Variants in KIRREL3 observed in about 807,000 individuals in gnomAD.
The protein encoded by KIRREL3 is kin of IRRE-like protein 3.
In KIRREL3, 36 loss-of-function variants were observed where a neutral mutation model predicts 89.7. The ratio of observed to expected loss-of-function variants is 0.40; its 90% confidence interval spans 0.31 to 0.53. The LOEUF (loss-of-function observed/expected upper bound fraction) is 0.53. KIRREL3 is among the 20% of genes least tolerant of loss of function. The pLI is 0.49. For synonymous variants in KIRREL3, 445 were observed against 441.4 expected (o/e 1.01, Z -0.10); for missense variants, 864 against 1,056.6 (o/e 0.82, Z 2.53).
rs1482889788 is a variant in KIRREL3, at chr11:126,697,248, A to C, written c.56-134336T>G. On this transcript the variant is annotated intron_variant, in intron 1 of 16. Transcript: ENST00000525144. This position sits in a 1 kb window ranked among gnomAD's most constrained non-coding sequence, Gnocchi z 4.2. The stretch of plus-strand genomic sequence containing the variant: ...GCTTGTTTATGCGGGAGATGACAGG[A>C]CTACAAGAAGGCGGGACTTCCTCTA... Among the ~76,000 whole-genome samples, 1 of 152,210 alleles carries C rather than the reference A, an allele frequency of 6.6e-6. No individual in the cohort carries two copies. Among genetic ancestry groups the C allele is most frequent in the Non-Finnish European group, 1.5e-5 (1 of 68,046 alleles).
rs993620411 is a variant in KIRREL3 at position 126,782,258 on chromosome 11, C to T, written c.55+218197G>A. Among the ~76,000 whole-genome samples, 3 of 152,168 alleles carry T rather than the reference C, an allele frequency of 2.0e-5. No individual in the cohort carries two copies. The highest frequency in any genetic ancestry group is 4.4e-5 in the Non-Finnish European group (3 of 68,040). ...AAGCTAAAAGTTGAAGAGGGCTGCC[C>T]GTGCGCCTTGGAATCTGATAGGAAT... On this transcript the variant is annotated intron_variant, in intron 1 of 16. Coordinates refer to ENST00000525144, the MANE Select transcript of KIRREL3 (RefSeq NM_032531.4). The surrounding 1 kb of genome is among the most constrained non-coding windows in gnomAD (Gnocchi z 4.1).
chr11:126,916,104 T>C (rs12787569), intron 1 of KIRREL3, among the ~76,000 whole-genome samples: 19,867 of 152,160 alleles, frequency 0.13, 1,606 homozygotes, highest in East Asian at 0.4. Flanking sequence ...TAGTGATTAA[T>C]AGCGTTCTAA....
chr11:126,824,386 G>C (rs967592431), intron 1 of KIRREL3, among the ~76,000 whole-genome samples: 1 of 152,184 alleles, frequency 6.6e-6, no homozygotes, highest in Non-Finnish European at 1.5e-5. Context: ...AAGCAGCTAG[G>C]TATTATTTAC....
At chr11:126,712,963 T>C (rs915787971) in intron 1 of KIRREL3, among the ~76,000 whole-genome samples, 16 of 152,020 alleles carry the variant, frequency 1.1e-4, no homozygotes, top group African/African-American at 3.1e-4. Context: ...AGGTGTTAGG[T>C]GTTGAGTGTT....
intron 7 of KIRREL3, among the ~76,000 whole-genome samples, chr11:126,453,140 T>C (rs1956238373): frequency 7.3e-6 from 1 of 136,062 alleles, no homozygotes; most frequent in Non-Finnish European, 1.5e-5. Context: ...TCCCAATCAA[T>C]GTCTAATTTG....
intron 1 of KIRREL3, among the ~76,000 whole-genome samples, chr11:126,638,605 G>A (rs1185580973): frequency 1.3e-5 from 2 of 152,176 alleles, no homozygotes; most frequent in Non-Finnish European, 2.9e-5. Flanking sequence ...GCTGGGGTGG[G>A]TAGCCCCATA....
chr11:126,762,784 A>G (rs533719405), intron 1 of KIRREL3, among the ~76,000 whole-genome samples: 2 of 152,280 alleles, frequency 1.3e-5, no homozygotes, highest in African/African-American at 2.4e-5. Flanking sequence ...TCAGTGGAAT[A>G]CCTGAGAGCG....
At chr11:126,433,226 G>C (rs1955200281) in intron 13 of KIRREL3, among the ~76,000 whole-genome samples, 1 of 152,256 alleles carries the variant, frequency 6.6e-6, no homozygotes, top group African/African-American at 2.4e-5. Flanking sequence ...GAAAGACTGA[G>C]CCCCTCCCCA....
chr11:126,505,663 G>A, intron 4 of KIRREL3, among the ~76,000 whole-genome samples: 1 of 152,036 alleles, frequency 6.6e-6, no homozygotes, highest in Non-Finnish European at 1.5e-5. Context: ...TATAATCTTA[G>A]CAATGAACAA....
chr11:127,001,556 G>A (rs2135311514), upstream of KIRREL3, among the ~76,000 whole-genome samples: 1 of 152,214 alleles, frequency 6.6e-6, no homozygotes, highest in East Asian at 1.9e-4. Flanking sequence ...TTCTCCAAGA[G>A]GTGCTGTGAG....
rs73022569 is a variant in KIRREL3, at chr11:126,793,138, A to C, written c.55+207317T>G. Among the ~76,000 whole-genome samples the C allele has an allele frequency of 8.9e-3, 1,332 of 150,502 alleles. 9 individuals are homozygous for C. The highest frequency in any genetic ancestry group is 0.015 in the Admixed American group (219 of 15,038). On this transcript the variant is annotated intron_variant, in intron 1 of 16. Coordinates refer to ENST00000525144, the MANE Select transcript of KIRREL3 (RefSeq NM_032531.4). ...CACCCACCTCCAATAATGTCTTGTA[A>C]GGTTTATTGCAAAACAGCAGAGGAC... is the stretch of plus-strand genomic sequence containing the variant.
In KIRREL3 at chr11:126,704,599, G is replaced by A. The variant is rs1451735221; in HGVS notation, c.56-141687C>T. Among the ~76,000 whole-genome samples, 1 of 152,174 alleles carries A rather than the reference G, an allele frequency of 6.6e-6. No individual in the cohort carries two copies. The highest frequency in any genetic ancestry group is 2.4e-5 in the African/African-American group (1 of 41,418). ...CCTGTACACGTGCGTATTTGGCTCAGGCTGACTTTCCATACACAGACAGGG... is the reference window on the plus strand; with the variant it reads ...CCTGTACACGTGCGTATTTGGCTCAAGCTGACTTTCCATACACAGACAGGG... On this transcript the variant is annotated intron_variant, in intron 1 of 16. Transcript: ENST00000525144. This position sits in a 1 kb window ranked among gnomAD's most constrained non-coding sequence, Gnocchi z 4.2.
Position 126,740,519 on chromosome 11 carries a change from A to G in KIRREL3, c.56-177607T>C, listed in dbSNP as rs1344396803. Reference sequence around the variant, plus strand: ...CCCCCCACTCACAGATCCCTCTCCTACCCAGGAGACATGTTCCTTATATTT... The same window carrying G: ...CCCCCCACTCACAGATCCCTCTCCTGCCCAGGAGACATGTTCCTTATATTT... On this transcript the variant is annotated intron_variant, in intron 1 of 16. Coordinates refer to ENST00000525144, the MANE Select transcript of KIRREL3 (RefSeq NM_032531.4). This position sits in a 1 kb window ranked among gnomAD's most constrained non-coding sequence, Gnocchi z 6.0. 6.6e-6 allele frequency among the ~76,000 whole-genome samples: 1 copy of G among 152,280 alleles called. No homozygotes were observed. Among genetic ancestry groups the G allele is most frequent in the South Asian group, 2.1e-4 (1 of 4,814 alleles).
chr11:126,548,413 A>AC (rs1386621570), intron 2 of KIRREL3, among the ~76,000 whole-genome samples: 1 of 151,832 alleles, frequency 6.6e-6, no homozygotes, highest in East Asian at 1.9e-4. Context: ...GGGAGACAAC[A>AC]CCCTCACCCA....
intron 4 of KIRREL3, among the ~76,000 whole-genome samples, 156 bp from the exon 5 acceptor site, chr11:126,473,622 C>T (rs1221782523): frequency 1.3e-5 from 2 of 152,080 alleles, no homozygotes; most frequent in African/African-American, 4.8e-5. Context: ...GAGAGCAGCA[C>T]CCACAGTGAT....
chr11:126,725,202 G>A (rs1948330085), intron 1 of KIRREL3, among the ~76,000 whole-genome samples: 1 of 152,224 alleles, frequency 6.6e-6, no homozygotes, highest in Non-Finnish European at 1.5e-5. Flanking sequence ...TGTGATGTAT[G>A]GGAGAGGACA....
intron 1 of KIRREL3, among the ~76,000 whole-genome samples, chr11:126,911,982 CAA>C (rs34548052): frequency 0.2 from 18,168 of 90,842 alleles, 944 homozygotes; most frequent in Middle Eastern, 0.28. Context: ...GACTCTGTCT[CAA>C]AAAAAAAAAA....
At position 126,484,867 on chromosome 11, in the gene KIRREL3, G is replaced by A. The variant is rs1957310565; in HGVS notation, c.434-11401C>T. 6.6e-6 allele frequency among the ~76,000 whole-genome samples: 1 copy of A among 150,874 alleles called. No individual in the cohort carries two copies. Among genetic ancestry groups the A allele is most frequent in the Admixed American group, 6.6e-5 (1 of 15,128 alleles). ...TCTCGCTCTTGTCACCCAGGCTGGA[G>A]TGCAATGGCACAATGTAGGCTCACT... On this transcript the variant is annotated intron_variant, in intron 4 of 16. Coordinates refer to ENST00000525144, the MANE Select transcript of KIRREL3 (RefSeq NM_032531.4). The surrounding 1 kb of genome is among the most constrained non-coding windows in gnomAD (Gnocchi z 5.2).
At chr11:126,532,763 C>T (rs114583565) in intron 2 of KIRREL3, among the ~76,000 whole-genome samples, 48 of 152,240 alleles carry the variant, frequency 3.2e-4, no homozygotes, top group African/African-American at 1.1e-3. Context: ...GGCTCCTCTT[C>T]ACCTATTGGT....
Sources: allele counts gnomAD v4.1 joint callset (sites outside exome capture counted in the v4.1 genomes callset), GRCh38; gene constraint gnomAD v4.1.1; non-coding constraint Gnocchi (gnomAD v3.1); transcripts MANE v1.5; gene names NCBI Gene and HGNC (gene_info 2026-07-23, HGNC 2026-07-21).